FSTL4: variants seen among roughly 807,000 people sequenced by gnomAD.
FSTL4 encodes the protein follistatin like 4.
Under a neutral mutation model 78.2 loss-of-function variants are expected in FSTL4, and 28 were observed. The observed-to-expected ratio is 0.36, with a 90% CI of 0.27 to 0.49. The LOEUF is 0.49. Among genes scored for constraint, FSTL4 ranks in the 20% least tolerant of loss-of-function variants. FSTL4 has a pLI of 0.98. For missense variants in FSTL4, 922 were observed against 1,084.9 expected (o/e 0.85, Z 2.11); for synonymous variants, 422 against 440.5 (o/e 0.96, Z 0.53).
intron 1 of FSTL4, among the ~76,000 whole-genome samples, chr5:133,604,675 C>T (rs1448794916): frequency 6.6e-6 from 1 of 152,172 alleles, no homozygotes; most frequent in African/African-American, 2.4e-5. Flanking sequence ...TACCTCTGCA[C>T]TTTAACCTGG....
chr5:133,216,874 C>T (rs528919298), intron 13 of FSTL4, among the ~76,000 whole-genome samples: 10 of 152,334 alleles, frequency 6.6e-5, no homozygotes, highest in East Asian at 3.9e-4. Flanking sequence ...CTCAGAGTCT[C>T]GGTCCTACCT....
chr5:133,822,634 T>C, the FSTL4 span, among the ~76,000 whole-genome samples: 47,345 of 152,024 alleles, frequency 0.31, 8,650 homozygotes, highest in Non-Finnish European at 0.41. Context: ...GATGTGAACA[T>C]TCCGGGGGCG....
intron 8 of FSTL4, among the ~76,000 whole-genome samples, chr5:133,230,553 C>T (rs979706175): frequency 6.6e-6 from 1 of 152,184 alleles, no homozygotes; most frequent in African/African-American, 2.4e-5. Context: ...GAGTGAGATG[C>T]ACCCTCTGCT....
chr5:133,671,916 C>T, the FSTL4 span, among the ~76,000 whole-genome samples: 1 of 152,190 alleles, frequency 6.6e-6, no homozygotes, highest in Non-Finnish European at 1.5e-5. Flanking sequence ...ACATTGATTT[C>T]TTTATTATGG....
chr5:133,528,975 C>A (rs1759194855), intron 3 of FSTL4, among the ~76,000 whole-genome samples: 2 of 152,192 alleles, frequency 1.3e-5, no homozygotes, highest in South Asian at 4.1e-4. Context: ...ACCTCCAGGT[C>A]TGGCCCATGA....
chr5:133,267,458 T>C (rs1752669329), intron 6 of FSTL4, among the ~76,000 whole-genome samples: 1 of 152,118 alleles, frequency 6.6e-6, no homozygotes, highest in African/African-American at 2.4e-5. Flanking sequence ...GTGAGGAACA[T>C]CTGCCCATCA....
intron 6 of FSTL4, among the ~76,000 whole-genome samples, chr5:133,293,117 C>T (rs1251318494): frequency 1.3e-5 from 2 of 152,246 alleles, no homozygotes; most frequent in East Asian, 3.8e-4. Flanking sequence ...GGGCCTGACC[C>T]TGCCTTCCGG....
rs923180918 is a variant in FSTL4 at position 133,426,883 on chromosome 5, T to G, written c.161-25897A>C. 6.6e-6 allele frequency among the ~76,000 whole-genome samples: 1 copy of G among 152,034 alleles called. No individual in the cohort carries two copies. The highest frequency in any genetic ancestry group is 1.5e-5 in the Non-Finnish European group (1 of 67,998). Reference sequence around the variant, plus strand: ...AAGTCAGCACAAGTTCTGGGAGGAGTAAGCTGAGATTTCAGGTTCTAAAAC... The same window carrying G: ...AAGTCAGCACAAGTTCTGGGAGGAGGAAGCTGAGATTTCAGGTTCTAAAAC... On this transcript the variant is annotated intron_variant, in intron 3 of 15. Transcript: ENST00000265342. The surrounding 1 kb of genome is among the most constrained non-coding windows in gnomAD (Gnocchi z 5.0).
At chr5:133,669,501 C>A in the FSTL4 span, among the ~76,000 whole-genome samples, 2 of 152,206 alleles carry the variant, frequency 1.3e-5, no homozygotes, top group Non-Finnish European at 2.9e-5. Context: ...AGGTGTCTTG[C>A]CAGGTTCCGG....
chr5:133,367,784 C>T (rs1327571528), intron 4 of FSTL4, among the ~76,000 whole-genome samples: 1 of 152,240 alleles, frequency 6.6e-6, no homozygotes, highest in Non-Finnish European at 1.5e-5. Context: ...GAAATGTAAG[C>T]TAATGGTTTT....
At chr5:133,652,313 T>G in the FSTL4 span, among the ~76,000 whole-genome samples, 1 of 152,160 alleles carries the variant, frequency 6.6e-6, no homozygotes, top group Non-Finnish European at 1.5e-5. Context: ...TTGCTCTTCA[T>G]TTTCTAGTTT....
At chr5:133,634,480 C>A in the FSTL4 span, among the ~76,000 whole-genome samples, 1 of 151,894 alleles carries the variant, frequency 6.6e-6, no homozygotes, top group African/African-American at 2.4e-5. Context: ...AAGAGAAAAC[C>A]CAGAGAACTC....
intron 7 of FSTL4, among the ~76,000 whole-genome samples, chr5:133,237,190 T>C (rs1309094889): frequency 6.6e-6 from 1 of 152,124 alleles, no homozygotes; most frequent in Non-Finnish European, 1.5e-5. Context: ...ACTTCCCCAC[T>C]TGTCCCCTTC....
the FSTL4 span, among the ~76,000 whole-genome samples, chr5:133,783,054 G>A: frequency 1.3e-3 from 200 of 152,212 alleles, no homozygotes; most frequent in African/African-American, 4.6e-3. Context: ...CACATAAAAC[G>A]CTACAAAGTT....
chr5:133,729,356 A>G, the FSTL4 span, among the ~76,000 whole-genome samples: 1 of 152,116 alleles, frequency 6.6e-6, no homozygotes, highest in East Asian at 1.9e-4. Flanking sequence ...ACCTTGGGAG[A>G]GCTACTTAAA....
At chr5:133,471,459 T>G (rs1287492250) in intron 3 of FSTL4, among the ~76,000 whole-genome samples, 1 of 151,660 alleles carries the variant, frequency 6.6e-6, no homozygotes, top group Non-Finnish European at 1.5e-5. Flanking sequence ...GTCAGGAGAG[T>G]GGAATTCTCA....
intron 3 of FSTL4, among the ~76,000 whole-genome samples, chr5:133,565,312 A>G (rs1419595762): frequency 6.6e-6 from 1 of 152,226 alleles, no homozygotes. Context: ...GAGAAGATTA[A>G]CAACCCCACA....
At chr5:133,394,539 C>T (rs969625280) in intron 4 of FSTL4, among the ~76,000 whole-genome samples, 5 of 152,230 alleles carry the variant, frequency 3.3e-5, no homozygotes, top group African/African-American at 9.6e-5. Flanking sequence ...CCAGCAGTGC[C>T]GGCCCACCGG....
At chr5:133,347,470 C>T (rs1754721302) in intron 4 of FSTL4, among the ~76,000 whole-genome samples, 1 of 152,206 alleles carries the variant, frequency 6.6e-6, no homozygotes, top group African/African-American at 2.4e-5. Context: ...CCTCAGCCTC[C>T]TGAGTAGCTG....
Sources: allele counts gnomAD v4.1 joint callset (sites outside exome capture counted in the v4.1 genomes callset), GRCh38; gene constraint gnomAD v4.1.1; non-coding constraint Gnocchi (gnomAD v3.1); transcripts MANE v1.5; gene names NCBI Gene and HGNC (gene_info 2026-07-23, HGNC 2026-07-21).